APBA1: variants seen among roughly 807,000 people sequenced by gnomAD.
The protein encoded by APBA1 is amyloid beta precursor protein binding family A member 1.
In APBA1, 55 loss-of-function variants were observed where a neutral mutation model predicts 86.6. That is an observed-to-expected ratio of 0.64 (90% CI 0.51 to 0.80). APBA1 has a LOEUF of 0.80. APBA1 is among the 30% of genes least tolerant of loss of function. The probability of loss-of-function intolerance (pLI) is 0.00; values close to 1 mark genes in which losing one functional copy is unlikely to be tolerated. For missense variants in APBA1, 1,090 were observed against 1,183.0 expected, an observed-to-expected ratio of 0.92 and a Z score of 1.15; for synonymous variants, 511 against 493.9, an observed-to-expected ratio of 1.03 and a Z score of -0.46.
intron 1 of APBA1, among the ~76,000 whole-genome samples, chr9:69,585,929 C>T (rs1377734962): frequency 6.6e-6 from 1 of 152,144 alleles, no homozygotes; most frequent in African/African-American, 2.4e-5. Context: ...GACCTGCTGG[C>T]AACCTGTCCT....
rs1210171476 is a variant in APBA1, at chr9:69,550,769, T to G, written c.-69-33490A>C. On this transcript the variant is annotated intron_variant, in intron 1 of 12. Transcript: ENST00000265381. Reference sequence around the variant, plus strand: ...TACAGGAGATGGGAGAGTGAGCATGTAGTTATCTGGGGAAAAGCATTCCAT... The same window carrying G: ...TACAGGAGATGGGAGAGTGAGCATGGAGTTATCTGGGGAAAAGCATTCCAT... Among the ~76,000 whole-genome samples the G allele has an allele frequency of 2.0e-5, 3 of 152,274 alleles. No individual in the cohort carries two copies. The East Asian group carries it at 5.8e-4, about 29-fold the overall frequency.
intron 1 of APBA1, among the ~76,000 whole-genome samples, chr9:69,659,692 A>C (rs1428466947): frequency 6.6e-6 from 1 of 152,254 alleles, no homozygotes; most frequent in East Asian, 1.9e-4. Flanking sequence ...AATACCTCAC[A>C]TGACTTAAAT....
intron 1 of APBA1, among the ~76,000 whole-genome samples, chr9:69,640,244 TACTAGGAA>T (rs1244607931): frequency 1.3e-5 from 2 of 152,084 alleles, no homozygotes; most frequent in Non-Finnish European, 2.9e-5. Flanking sequence ...CTTTAAAACT[TACTAGGAA>T]ACAATGACAG....
intron 1 of APBA1, among the ~76,000 whole-genome samples, chr9:69,543,276 TCCCCCCCC>T (rs5898083): frequency 0.45 from 64,874 of 145,660 alleles, 15,673 homozygotes; most frequent in African/African-American, 0.66. Context: ...TGCTGGGATT[TCCCCCCCC>T]CCCCCCCGGC....
chr9:69,475,356 A>G (rs1835426326), intron 3 of APBA1, among the ~76,000 whole-genome samples: 1 of 152,260 alleles, frequency 6.6e-6, no homozygotes, highest in Non-Finnish European at 1.5e-5. Flanking sequence ...TTCCTCAGTT[A>G]CACTGGCCAC....
At chr9:69,434,181 G>C (rs1348956480) in intron 11 of APBA1, among the ~76,000 whole-genome samples, 1 of 152,226 alleles carries the variant, frequency 6.6e-6, no homozygotes, top group Non-Finnish European at 1.5e-5. Flanking sequence ...GGAGTCAGCT[G>C]CTCTGCGGGA....
intron 1 of APBA1, among the ~76,000 whole-genome samples, chr9:69,662,439 T>C (rs1359137341): frequency 3.9e-5 from 6 of 152,184 alleles, no homozygotes; most frequent in East Asian, 1.9e-4. Context: ...TGTACTTTGA[T>C]AGCTAGCCTG....
chr9:69,532,204 G>C (rs1836444893), intron 1 of APBA1, among the ~76,000 whole-genome samples: 1 of 152,096 alleles, frequency 6.6e-6, no homozygotes, highest in South Asian at 2.1e-4. Flanking sequence ...TGAGTACTCT[G>C]TACTTTCCAT....
intron 1 of APBA1, among the ~76,000 whole-genome samples, chr9:69,542,332 A>G (rs2133919295): frequency 6.6e-6 from 1 of 152,346 alleles, no homozygotes; most frequent in South Asian, 2.1e-4. Flanking sequence ...ATGGGTTTGA[A>G]CAAATATATA....
At position 69,594,783 on chromosome 9, in the gene APBA1, C is replaced by CTTTT. The variant is rs1822197692; in HGVS notation, c.-70+77369_-70+77370insAAAA. Among the ~76,000 whole-genome samples the CTTTT allele has an allele frequency of 2.0e-5, 3 of 152,092 alleles. No homozygotes were observed. In the South Asian group the frequency reaches 6.2e-4, roughly 32 times the overall value. On this transcript the variant is annotated intron_variant, in intron 1 of 12. Transcript: ENST00000265381. ...GTTCTTTTCTGATGAGTAGACATTA[C>CTTTT]CCAAGCCAATCATACAACACTTTCT...
chr9:69,629,548 G>C (rs1165687128), intron 1 of APBA1, among the ~76,000 whole-genome samples: 2 of 152,160 alleles, frequency 1.3e-5, no homozygotes, highest in African/African-American at 4.8e-5. Context: ...TGAAGTTCCA[G>C]AAATTTCCAG....
chr9:69,430,173 C>T lies in APBA1; in HGVS notation c.*1154G>A, dbSNP rs755008182. ...TACTATTCTGGCCTTTCCAATATCACATCCGCCTAGTGGCCCTGAGCAGAG... is the reference window on the plus strand; with the variant it reads ...TACTATTCTGGCCTTTCCAATATCATATCCGCCTAGTGGCCCTGAGCAGAG... On this transcript the variant is annotated 3_prime_UTR_variant, in exon 13 of 13. Coordinates refer to ENST00000265381, the MANE Select transcript of APBA1 (RefSeq NM_001163.4). 1 of 152,250 alleles carries T rather than the reference C, an allele frequency of 6.6e-6. No individual in the cohort carries two copies. Among genetic ancestry groups the T allele is most frequent in the Non-Finnish European group, 1.5e-5 (1 of 68,054 alleles). The allele number at this position is 152,250 out of a possible 1,614,324, so 9.4% of individuals were successfully genotyped here.
chr9:69,463,031 A>ATATGGATGTAATATGT (rs1835216813), intron 5 of APBA1: 1 of 152,200 alleles, frequency 6.6e-6, no homozygotes. Flanking sequence ...TACTTCTCAA[A>ATATGGATGTAATATGT]AATGATGACC....
intron 2 of APBA1, among the ~76,000 whole-genome samples, chr9:69,512,724 A>T (rs898638719): frequency 6.6e-6 from 1 of 152,178 alleles, no homozygotes; most frequent in Non-Finnish European, 1.5e-5. Flanking sequence ...CATGCTTACG[A>T]ATCTCAGGGA....
chr9:69,455,078 A>G (rs1835073157), intron 8 of APBA1, among the ~76,000 whole-genome samples: 1 of 152,166 alleles, frequency 6.6e-6, no homozygotes, highest in Non-Finnish European at 1.5e-5. Flanking sequence ...CCCCGGAGAA[A>G]AAAGCAGGAT....
intron 1 of APBA1, among the ~76,000 whole-genome samples, chr9:69,589,802 C>T (rs1238975716): frequency 2.0e-5 from 3 of 152,118 alleles, no homozygotes; most frequent in African/African-American, 7.2e-5. Context: ...TCTGGCCAAA[C>T]ATTTTAGGTC....
rs375933998 is a variant in APBA1 at position 69,562,796 on chromosome 9, T to C, written c.-69-45517A>G. Among the ~76,000 whole-genome samples the C allele has an allele frequency of 7.9e-5, 12 of 152,262 alleles. No individual in the cohort carries two copies. In the South Asian group the frequency reaches 1.5e-3, roughly 18 times the overall value. ...GAAAGAGAAGAAAGATCTGCCCAAATAGAAAATTTTAACTCTGGGCTTAAC... is the reference window on the plus strand; with the variant it reads ...GAAAGAGAAGAAAGATCTGCCCAAACAGAAAATTTTAACTCTGGGCTTAAC... On this transcript the variant is annotated intron_variant, in intron 1 of 12. Coordinates refer to ENST00000265381, the MANE Select transcript of APBA1 (RefSeq NM_001163.4).
chr9:69,539,946 C>G (rs1836576815), intron 1 of APBA1, among the ~76,000 whole-genome samples: 1 of 152,130 alleles, frequency 6.6e-6, no homozygotes, highest in African/African-American at 2.4e-5. Context: ...TGGTGAAACC[C>G]TGTCTCTACT....
At chr9:69,591,149 T>A (rs954616334) in intron 1 of APBA1, among the ~76,000 whole-genome samples, 5 of 152,150 alleles carry the variant, frequency 3.3e-5, no homozygotes, top group Non-Finnish European at 7.3e-5. Context: ...TTTTTCCAAA[T>A]GCTTTCAAGG....
Sources: allele counts gnomAD v4.1 joint callset (sites outside exome capture counted in the v4.1 genomes callset), GRCh38; gene constraint gnomAD v4.1.1; transcripts MANE v1.5; gene names NCBI Gene and HGNC (gene_info 2026-07-23, HGNC 2026-07-21).